GALNTL6: variants seen among roughly 807,000 people sequenced by gnomAD.
The protein encoded by GALNTL6 is polypeptide N-acetylgalactosaminyltransferase like 6.
A neutral mutation model predicts 73.7 loss-of-function variants in GALNTL6; 46 were observed. The observed-to-expected ratio is 0.62, with a 90% CI of 0.49 to 0.80. The LOEUF (loss-of-function observed/expected upper bound fraction) is 0.80. Ranked by LOEUF, GALNTL6 falls within the 30% of genes least tolerant of loss-of-function variation. The pLI is 0.00. For missense variants in GALNTL6, 604 were observed against 755.0 expected, an observed-to-expected ratio of 0.80 and a Z score of 2.34; for synonymous variants, 259 against 263.7, an observed-to-expected ratio of 0.98 and a Z score of 0.17.
intron 3 of GALNTL6, among the ~76,000 whole-genome samples, chr4:172,300,376 G>A (rs555679555): frequency 0.019 from 2,929 of 152,138 alleles, 48 homozygotes; most frequent in Non-Finnish European, 0.029. Flanking sequence ...TTACATTTAA[G>A]GTTAATATTG....
intron 5 of GALNTL6, among the ~76,000 whole-genome samples, chr4:172,769,917 C>T (rs1486533550): frequency 1.3e-5 from 2 of 152,038 alleles, no homozygotes; most frequent in Admixed American, 1.3e-4. Context: ...CCGGTTTGAC[C>T]CTTAGCTTTC....
intron 5 of GALNTL6, among the ~76,000 whole-genome samples, chr4:172,618,466 C>A (rs1333663232): frequency 1.3e-5 from 2 of 152,112 alleles, no homozygotes; most frequent in Admixed American, 1.3e-4. Flanking sequence ...ATGCCCCAGA[C>A]CCAACTCATC....
chr4:172,282,586 G>A (rs1487597549), intron 3 of GALNTL6, among the ~76,000 whole-genome samples: 1 of 151,596 alleles, frequency 6.6e-6, no homozygotes, highest in Non-Finnish European at 1.5e-5. Context: ...CTTTTAGGAT[G>A]TGGTAAATAA....
intron 10 of GALNTL6, among the ~76,000 whole-genome samples, chr4:172,963,063 G>T (rs1391593331): frequency 6.6e-6 from 1 of 152,028 alleles, no homozygotes; most frequent in Non-Finnish European, 1.5e-5. Context: ...GACCCCTGTT[G>T]TGTCCCCTCC....
intron 5 of GALNTL6, among the ~76,000 whole-genome samples, chr4:172,499,561 A>T (rs1734189751): frequency 6.6e-6 from 1 of 152,238 alleles, no homozygotes; most frequent in South Asian, 2.1e-4. Flanking sequence ...TCCAGGACAG[A>T]ATAAAAAGTT....
In GALNTL6 at chr4:173,041,521, T is replaced by C. The variant is rs950831905; in HGVS notation, c.*1421T>C. 6.6e-6 allele frequency: 1 copy of C among 152,178 alleles called. No homozygotes were observed. Among genetic ancestry groups the C allele is most frequent in the Admixed American group, 6.6e-5 (1 of 15,260 alleles). 9.4% of individuals were successfully genotyped at this position (152,178 alleles called of 1,614,324 possible). A position where few individuals can be genotyped will look rare whatever the true frequency, so the allele number is the denominator to read the frequency against. ...ACTTTGCTTTCTTTTTGGTTTTTGT[T>C]TGAAGTTGGTTTTCCTGTTAATAAA... On this transcript the variant is annotated 3_prime_UTR_variant, in exon 13 of 13. Transcript: ENST00000506823.
intron 5 of GALNTL6, among the ~76,000 whole-genome samples, chr4:172,452,570 A>C (rs1037988132): frequency 1.3e-5 from 2 of 152,160 alleles, no homozygotes; most frequent in African/African-American, 4.8e-5. Context: ...TGTGGATAAA[A>C]TCTTTCTCTA....
chr4:172,221,227 TTTAG>T (rs1470156261), intron 2 of GALNTL6, among the ~76,000 whole-genome samples: 1 of 151,850 alleles, frequency 6.6e-6, no homozygotes, highest in Non-Finnish European at 1.5e-5. Flanking sequence ...TTTGTTTCCC[TTTAG>T]TTGTAACACA....
intron 5 of GALNTL6, among the ~76,000 whole-genome samples, chr4:172,499,764 C>T (rs533955322): frequency 7.9e-4 from 120 of 152,166 alleles, no homozygotes; most frequent in African/African-American, 2.5e-3. Context: ...CTATTTACAA[C>T]GAGTAGAAAT....
At position 172,887,966 on chromosome 4, in the gene GALNTL6, T is replaced by TA. The variant is rs1334214317; in HGVS notation, c.1041+5060dup. On this transcript the variant is annotated intron_variant, in intron 8 of 12. Transcript: ENST00000506823. ...CTTACAATTGGTGATGTTGAGCATGTATCAATATGTTTCTTGGCCACTTGT... is the reference window on the plus strand; with the variant it reads ...CTTACAATTGGTGATGTTGAGCATGTAATCAATATGTTTCTTGGCCACTTGT... Among the ~76,000 whole-genome samples, 5 of 152,362 alleles carry TA rather than the reference T, an allele frequency of 3.3e-5. No individual in the cohort carries two copies. The East Asian group carries it at 9.6e-4, about 29-fold the overall frequency.
intron 5 of GALNTL6, among the ~76,000 whole-genome samples, chr4:172,712,010 C>T (rs868845012): frequency 2.0e-5 from 3 of 152,262 alleles, no homozygotes; most frequent in Non-Finnish European, 2.9e-5. Flanking sequence ...GAGTGATCAA[C>T]TCTGCCAGGT....
At chr4:172,445,638 T>A (rs1183557622) in intron 5 of GALNTL6, among the ~76,000 whole-genome samples, 1 of 152,180 alleles carries the variant, frequency 6.6e-6, no homozygotes, top group Non-Finnish European at 1.5e-5. Flanking sequence ...TAAATGCCTT[T>A]CTTTCCTAAA....
intron 3 of GALNTL6, among the ~76,000 whole-genome samples, chr4:172,296,897 C>G (rs1281997435): frequency 6.6e-6 from 1 of 152,166 alleles, no homozygotes; most frequent in African/African-American, 2.4e-5. Context: ...ATTGCTGGGT[C>G]AAATGGTATT....
chr4:172,551,182 C>T lies in GALNTL6; in HGVS notation c.553+202493C>T, dbSNP rs534515056. ...TTGGTTTTTGCTTAAGAAGACTTTC[C>T]TTACTTTGGATTATAAAACGTTTTT... On this transcript the variant is annotated intron_variant, in intron 5 of 12. Coordinates refer to ENST00000506823, the MANE Select transcript of GALNTL6 (RefSeq NM_001034845.3). 6.6e-5 allele frequency among the ~76,000 whole-genome samples: 10 copies of T among 152,230 alleles called. 1 individual carries two copies. The South Asian group carries it at 1.0e-3, about 16-fold the overall frequency.
chr4:172,343,476 T>C (rs1157842779), intron 4 of GALNTL6, among the ~76,000 whole-genome samples: 1 of 152,222 alleles, frequency 6.6e-6, no homozygotes, highest in Non-Finnish European at 1.5e-5. Flanking sequence ...CTGGTACTTA[T>C]TTCAAGTATT....
chr4:172,316,046 A>C (rs1300263754), intron 4 of GALNTL6, among the ~76,000 whole-genome samples: 1 of 152,188 alleles, frequency 6.6e-6, no homozygotes, highest in Non-Finnish European at 1.5e-5. Context: ...GCTAAGATAA[A>C]ATTGAAGAAT....
chr4:172,276,925 G>A (rs1203657970), intron 3 of GALNTL6, among the ~76,000 whole-genome samples: 3 of 151,832 alleles, frequency 2.0e-5, no homozygotes, highest in African/African-American at 4.8e-5. Context: ...TTAATTTAAT[G>A]GACTATTTAT....
At chr4:172,349,427 A>G (rs1484027643) in intron 5 of GALNTL6, among the ~76,000 whole-genome samples, 1 of 152,176 alleles carries the variant, frequency 6.6e-6, no homozygotes, top group Non-Finnish European at 1.5e-5. Flanking sequence ...TTGATTGAAT[A>G]TTATTCTTAT....
chr4:172,987,775 T>C (rs1751355747), intron 10 of GALNTL6, among the ~76,000 whole-genome samples: 1 of 152,094 alleles, frequency 6.6e-6, no homozygotes, highest in African/African-American at 2.4e-5. Flanking sequence ...CTCTCTCTCT[T>C]TCTCCTTCTC....
Sources: allele counts gnomAD v4.1 joint callset (sites outside exome capture counted in the v4.1 genomes callset), GRCh38; gene constraint gnomAD v4.1.1; transcripts MANE v1.5; gene names NCBI Gene and HGNC (gene_info 2026-07-23, HGNC 2026-07-21).